The following SBF2 variants were observed in gnomAD, a reference collection of about 807,000 sequenced individuals.
SBF2 encodes the protein myotubularin-related protein 13.
Under a neutral mutation model 225.2 loss-of-function variants are expected in SBF2, and 112 were observed. That is an observed-to-expected ratio of 0.50 (90% CI 0.43 to 0.58). The LOEUF is 0.58. Ranked by LOEUF, SBF2 falls within the 20% of genes least tolerant of loss-of-function variation. SBF2 has a pLI of 0.00. For missense variants in SBF2, 1,996 were observed against 2,206.2 expected (o/e 0.90, Z 1.91); for synonymous variants, 763 against 773.3 (o/e 0.99, Z 0.22).
At chr11:10,241,550 C>T (rs999063788) in intron 1 of SBF2, among the ~76,000 whole-genome samples, 1 of 148,674 alleles carries the variant, frequency 6.7e-6, no homozygotes, top group Non-Finnish European at 1.5e-5. Flanking sequence ...CTCCCAGCAA[C>T]ACAAAACAAA....
At chr11:10,168,508 T>A (rs1956063438) in intron 2 of SBF2, among the ~76,000 whole-genome samples, 1 of 152,198 alleles carries the variant, frequency 6.6e-6, no homozygotes, top group African/African-American at 2.4e-5. Flanking sequence ...AATTTGTCAC[T>A]GTCACCAATA....
intron 17 of SBF2, among the ~76,000 whole-genome samples, chr11:9,889,527 T>G (rs1011038530): frequency 6.6e-6 from 1 of 152,234 alleles, no homozygotes; most frequent in Non-Finnish European, 1.5e-5. Context: ...TGAGGAGTCA[T>G]GTTGTACATC....
intron 2 of SBF2, among the ~76,000 whole-genome samples, chr11:10,114,271 A>G (rs1425422595): frequency 6.6e-6 from 1 of 152,066 alleles, no homozygotes; most frequent in Non-Finnish European, 1.5e-5. Context: ...ATTTATTTGT[A>G]TATACTTTAT....
intron 1 of SBF2, among the ~76,000 whole-genome samples, chr11:10,262,754 C>A (rs1044598577): frequency 1.3e-5 from 2 of 152,012 alleles, no homozygotes; most frequent in Non-Finnish European, 2.9e-5. Flanking sequence ...ACCAAGTATC[C>A]TTGATTTTTT....
chr11:10,301,281 G>A (rs984383376), intron 1 of SBF2, among the ~76,000 whole-genome samples: 5 of 151,978 alleles, frequency 3.3e-5, no homozygotes, highest in Non-Finnish European at 5.9e-5. Context: ...TACTTTAATC[G>A]GTTTATGTAC....
intron 30 of SBF2, 120 bp downstream of exon 30, chr11:9,812,409 TGAA>T (rs1854237316): frequency 9.8e-7 from 1 of 1,022,306 alleles, no homozygotes; most frequent in Non-Finnish European, 1.5e-6. Context: ...TGGCACACAA[TGAA>T]GGAGGAGAAT....
chr11:9,990,392 G>A (rs1007189785), intron 12 of SBF2, among the ~76,000 whole-genome samples: 2 of 152,192 alleles, frequency 1.3e-5, no homozygotes, highest in African/African-American at 4.8e-5. Flanking sequence ...CACAATGCAA[G>A]CTGCCTCTCA....
intron 1 of SBF2, chr11:10,272,345 T>A: frequency 1.6e-6 from 1 of 632,930 alleles, no homozygotes; most frequent in Non-Finnish European, 2.5e-6. Flanking sequence ...AAGGCTTACT[T>A]ACTTGCTAGT....
chr11:10,052,734 T>G (rs1950105598), intron 2 of SBF2, among the ~76,000 whole-genome samples: 2 of 152,130 alleles, frequency 1.3e-5, no homozygotes, highest in Non-Finnish European at 2.9e-5. Flanking sequence ...TATAACCATA[T>G]CTCACAAGAC....
At chr11:9,800,132 G>A (rs192276236) in intron 32 of SBF2, among the ~76,000 whole-genome samples, 139 of 152,122 alleles carry the variant, frequency 9.1e-4, no homozygotes, top group African/African-American at 3.2e-3. Context: ...GAGCTATTAG[G>A]GAGGCTGAGG....
rs1963073242 is a variant in SBF2 at position 10,277,707 on chromosome 11, A to G, written c.55+16308T>C. Among the ~76,000 whole-genome samples the G allele has an allele frequency of 2.0e-5, 3 of 152,190 alleles. No homozygotes were observed. In the South Asian group the frequency reaches 6.2e-4, roughly 32 times the overall value. ...GATTAGCATCTTTATAAAAGAAAAG[A>G]AAGGGAGATTTGGACACAGTAACAG... On this transcript the variant is annotated intron_variant, in intron 1 of 39. Transcript: ENST00000256190.
At chr11:10,264,026 T>C (rs1961701186) in intron 1 of SBF2, among the ~76,000 whole-genome samples, 1 of 152,226 alleles carries the variant, frequency 6.6e-6, no homozygotes, top group African/African-American at 2.4e-5. Flanking sequence ...GTGAATGTGC[T>C]TCTGCCTTAG....
chr11:10,040,650 G>A (rs1453332780), intron 3 of SBF2, among the ~76,000 whole-genome samples: 1 of 151,972 alleles, frequency 6.6e-6, no homozygotes, highest in African/African-American at 2.4e-5. Flanking sequence ...TTATATTGAT[G>A]TTAAATTTCC....
intron 16 of SBF2, among the ~76,000 whole-genome samples, chr11:9,901,075 C>T (rs929434822): frequency 8.5e-5 from 13 of 152,108 alleles, no homozygotes; most frequent in African/African-American, 2.9e-4. Context: ...TATTTCTTGA[C>T]TTATGGTTGT....
chr11:10,081,337 A>C (rs550609161), intron 2 of SBF2, among the ~76,000 whole-genome samples: 1 of 152,324 alleles, frequency 6.6e-6, no homozygotes, highest in Admixed American at 6.5e-5. Flanking sequence ...ATGGGTCAAC[A>C]ATGAAATTAA....
intron 2 of SBF2, among the ~76,000 whole-genome samples, chr11:10,190,868 T>C (rs763207722): frequency 1.3e-4 from 20 of 152,166 alleles, no homozygotes; most frequent in Non-Finnish European, 1.6e-4. Flanking sequence ...CCATTTACAC[T>C]AAAATGCTAA....
At chr11:10,286,162 A>ACGCGCGCG in intron 1 of SBF2, among the ~76,000 whole-genome samples, 1 of 109,210 alleles carries the variant, frequency 9.2e-6, no homozygotes, top group African/African-American at 3.1e-5. Context: ...ATAAACACGC[A>ACGCGCGCG]CACGCACACA....
chr11:9,933,297 G>A (rs1590512449), intron 16 of SBF2, among the ~76,000 whole-genome samples: 2 of 152,050 alleles, frequency 1.3e-5, no homozygotes, highest in African/African-American at 2.4e-5. Context: ...CTCAGCTCTG[G>A]ACCAAGTGGA....
In SBF2 at chr11:10,294,105, TCGCCGCCCTCGC is replaced by T; in HGVS notation, c.-48_-37del. 3 of 1,304,942 alleles carry T rather than the reference TCGCCGCCCTCGC, an allele frequency of 2.3e-6. No individual in the cohort carries two copies. The highest frequency in any genetic ancestry group is 2.9e-6 in the Non-Finnish European group (3 of 1,025,828). The allele number at this position is 1,304,942 out of a possible 1,614,324, so 80.8% of individuals were successfully genotyped here. A position where few individuals can be genotyped will look rare whatever the true frequency, so the allele number is the denominator to read the frequency against. The stretch of plus-strand genomic sequence containing the variant: ...GCCGCGCTCGGGAAGCGGGTCCCCG[TCGCCGCCCTCGC>T]CGCCGCCGCCCACCCGGCCCGGGAG... On this transcript the variant is annotated 5_prime_UTR_variant, in exon 1 of 40. Transcript: ENST00000256190.
Sources: allele counts gnomAD v4.1 joint callset (sites outside exome capture counted in the v4.1 genomes callset), GRCh38; gene constraint gnomAD v4.1.1; transcripts MANE v1.5; gene names NCBI Gene and HGNC (gene_info 2026-07-23, HGNC 2026-07-21).